The following RBFOX1 variants were observed in gnomAD, a reference collection of about 807,000 sequenced individuals.
RBFOX1 encodes the protein RNA binding protein fox-1 homolog 1.
RBFOX1 carries 8 observed loss-of-function variants against 57.7 expected under a neutral mutation model. The observed-to-expected ratio is 0.14, with a 90% CI of 0.08 to 0.25. The LOEUF (loss-of-function observed/expected upper bound fraction) is 0.25, where lower values mean the gene tolerates loss of function less well. Ranked by LOEUF, RBFOX1 falls within the 10% of genes least tolerant of loss-of-function variation. The probability of loss-of-function intolerance (pLI) is 1.00; values close to 1 mark genes in which losing one functional copy is unlikely to be tolerated. For synonymous variants in RBFOX1, 326 were observed against 222.4 expected (o/e 1.47, Z -4.15); for missense variants, 611 against 548.5 (o/e 1.11, Z -1.14).
chr16:6,201,247 G>A (rs1253083275), intron 1 of RBFOX1, among the ~76,000 whole-genome samples: 1 of 152,098 alleles, frequency 6.6e-6, no homozygotes, highest in East Asian at 1.9e-4. Flanking sequence ...TGGCTATTGT[G>A]AGCAGTGCTG....
intron 3 of RBFOX1, among the ~76,000 whole-genome samples, chr16:6,971,486 A>AAGAGAG (rs200603021): frequency 7.2e-6 from 1 of 138,528 alleles, no homozygotes; most frequent in East Asian, 2.1e-4. Context: ...TTGCAATATG[A>AAGAGAG]AGAGAGAGAG....
In RBFOX1 at chr16:5,856,601, A is replaced by ATATATATATATATATATATATATATATG. The variant is rs1321996342; in HGVS notation, c.319-10698_319-10697insTATATATATATATATATATATATGTATA. On this transcript the variant is annotated intron_variant, in intron 3 of 19. Transcript: ENST00000641259. ...TATATATATATATATATATATATAT[A>ATATATATATATATATATATATATATATG]TATAATCTTAGCCAGATCTTCTGGA... is the stretch of plus-strand genomic sequence containing the variant. Among the ~76,000 whole-genome samples, 11 of 107,302 alleles carry ATATATATATATATATATATATATATATG rather than the reference A, an allele frequency of 1.0e-4. 1 individual carries two copies. Among genetic ancestry groups the ATATATATATATATATATATATATATATG allele is most frequent in the African/African-American group, 3.6e-4 (10 of 27,534 alleles). The allele number at this position is 107,302 out of a possible 152,430, so 70.4% of individuals were successfully genotyped here. A position where few individuals can be genotyped will look rare whatever the true frequency, so the allele number is the denominator to read the frequency against.
chr16:5,795,043 CT>C (rs1488313555), intron 3 of RBFOX1, among the ~76,000 whole-genome samples: 1 of 152,192 alleles, frequency 6.6e-6, no homozygotes, highest in Admixed American at 6.5e-5. Context: ...AGTTGTATGA[CT>C]TTGGCCAAGC....
At position 5,379,350 on chromosome 16, in the gene RBFOX1, C is replaced by T. The variant is rs142268096; in HGVS notation, c.220-87866C>T. On this transcript the variant is annotated intron_variant, in intron 1 of 2. Transcript: ENST00000585867. The stretch of plus-strand genomic sequence containing the variant: ...TCCACATTCAGACCTCTCAGAGAAA[C>T]ACACCCCCAGCCCAGGAAGTTCTGT... Among the ~76,000 whole-genome samples the T allele has an allele frequency of 2.5e-4, 38 of 151,604 alleles. 1 individual carries two copies. Among genetic ancestry groups the T allele is most frequent in the Non-Finnish European group, 4.7e-4 (32 of 68,024 alleles).
intron 2 of RBFOX1, among the ~76,000 whole-genome samples, chr16:5,470,527 C>T (rs556626289): frequency 6.6e-6 from 1 of 152,318 alleles, no homozygotes; most frequent in South Asian, 2.1e-4. Context: ...CTCTACCTTT[C>T]TATCTCAGGG....
At chr16:6,675,957 T>A (rs1242062787) in intron 3 of RBFOX1, among the ~76,000 whole-genome samples, 2 of 151,942 alleles carry the variant, frequency 1.3e-5, no homozygotes. Context: ...CTCTGGAACT[T>A]TGGACAAGCG....
chr16:6,788,554 C>G (rs372742351), intron 3 of RBFOX1, among the ~76,000 whole-genome samples: 17 of 152,042 alleles, frequency 1.1e-4, no homozygotes, highest in Middle Eastern at 6.8e-3. Flanking sequence ...CGGCTCACTG[C>G]AAGCTCTGCC....
chr16:5,973,630 A>G (rs936452471), intron 4 of RBFOX1, among the ~76,000 whole-genome samples: 2 of 152,244 alleles, frequency 1.3e-5, no homozygotes, highest in Admixed American at 6.5e-5. Context: ...TATTTGGTCA[A>G]GTATTATTCT....
chr16:5,973,441 A>G (rs889678583), intron 4 of RBFOX1, among the ~76,000 whole-genome samples: 3 of 152,216 alleles, frequency 2.0e-5, no homozygotes, highest in Non-Finnish European at 2.9e-5. Context: ...ACCTGTATGC[A>G]CAAAGCCAGA....
intron 4 of RBFOX1, among the ~76,000 whole-genome samples, chr16:7,218,745 A>G (rs1255568768): frequency 6.7e-6 from 1 of 148,352 alleles, no homozygotes; most frequent in Non-Finnish European, 1.5e-5. Context: ...TTTTTTTTAA[A>G]GTAGTTTTCA....
chr16:7,694,156 C>G (rs770878243), intron 14 of RBFOX1, among the ~76,000 whole-genome samples: 3 of 152,164 alleles, frequency 2.0e-5, no homozygotes, highest in Non-Finnish European at 4.4e-5. Flanking sequence ...TAAGCCTAAA[C>G]TATGACCAAA....
intron 4 of RBFOX1, among the ~76,000 whole-genome samples, chr16:5,985,463 A>G (rs1398826667): frequency 1.3e-5 from 2 of 152,166 alleles, no homozygotes; most frequent in Non-Finnish European, 2.9e-5. Flanking sequence ...TGAGGCACAG[A>G]GGAGTTAAGT....
intron 1 of RBFOX1, among the ~76,000 whole-genome samples, chr16:5,382,976 G>A (rs924671759): frequency 6.6e-6 from 1 of 152,156 alleles, no homozygotes; most frequent in Non-Finnish European, 1.5e-5. Context: ...TGCTTTGCTG[G>A]GTTCAATTTA....
intron 4 of RBFOX1, among the ~76,000 whole-genome samples, chr16:7,473,257 A>T (rs996616859): frequency 6.6e-6 from 1 of 151,912 alleles, no homozygotes; most frequent in South Asian, 2.1e-4. Flanking sequence ...GGGTGCCTGT[A>T]ATCCCAGCTA....
rs181472982 is a variant in RBFOX1 at position 6,609,273 on chromosome 16, T to G, written c.-63-45330T>G. Among the ~76,000 whole-genome samples, 23 of 152,310 alleles carry G rather than the reference T, an allele frequency of 1.5e-4. 1 individual carries two copies. In the South Asian group the frequency reaches 1.9e-3, roughly 12 times the overall value. Reference sequence around the variant, plus strand: ...AGATGTAGTAAAGTTCTTAGCACAGTGGCTGGGTATGGAGTGTAGTATGTT... The same window carrying G: ...AGATGTAGTAAAGTTCTTAGCACAGGGGCTGGGTATGGAGTGTAGTATGTT... On this transcript the variant is annotated intron_variant, in intron 2 of 15. Coordinates refer to ENST00000550418, the MANE Select transcript of RBFOX1 (RefSeq NM_018723.4).
At chr16:5,745,313 G>T (rs1297759991) in intron 3 of RBFOX1, among the ~76,000 whole-genome samples, 1 of 152,166 alleles carries the variant, frequency 6.6e-6, no homozygotes, top group Non-Finnish European at 1.5e-5. Context: ...TGGTGTATAT[G>T]TGCCACAATT....
intron 3 of RBFOX1, among the ~76,000 whole-genome samples, chr16:5,767,508 C>G (rs1294419319): frequency 1.3e-5 from 2 of 152,118 alleles, no homozygotes; most frequent in Non-Finnish European, 2.9e-5. Flanking sequence ...GGGTTCAGAG[C>G]CCCTGTGCAG....
intron 3 of RBFOX1, among the ~76,000 whole-genome samples, chr16:5,814,603 C>T (rs752177120): frequency 6.6e-6 from 1 of 152,176 alleles, no homozygotes; most frequent in African/African-American, 2.4e-5. Context: ...TCTTCTCATC[C>T]ACTTGTCTAT....
chr16:6,715,610 C>T (rs896085290), intron 3 of RBFOX1, among the ~76,000 whole-genome samples: 4 of 152,132 alleles, frequency 2.6e-5, no homozygotes, highest in Non-Finnish European at 5.9e-5. Context: ...CTAGTTTTCT[C>T]TTGTGGTCTC....
Sources: allele counts gnomAD v4.1 joint callset (sites outside exome capture counted in the v4.1 genomes callset), GRCh38; gene constraint gnomAD v4.1.1; transcripts MANE v1.5; gene names NCBI Gene and HGNC (gene_info 2026-07-23, HGNC 2026-07-21).